Variants in CHMP4B observed in about 807,000 individuals in gnomAD.
CHMP4B encodes the protein charged multivesicular body protein 4B, also known as SNF7 homolog associated with Alix 1.
A neutral mutation model predicts 25.1 loss-of-function variants in CHMP4B; 1 was observed. That is an observed-to-expected ratio of 0.04 (90% CI 0.01 to 0.19). The LOEUF is 0.19. Among genes scored for constraint, CHMP4B ranks in the 10% least tolerant of loss-of-function variants. CHMP4B has a pLI of 1.00. For synonymous variants in CHMP4B, 101 were observed against 115.6 expected (o/e 0.87, Z 0.81); for missense variants, 151 against 289.7 (o/e 0.52, Z 3.48).
chr20:33,840,128 C>A (rs1432861785), intron 1 of CHMP4B, among the ~76,000 whole-genome samples: 1 of 152,084 alleles, frequency 6.6e-6, no homozygotes, highest in African/African-American at 2.4e-5. Context: ...CGCCTGTAAT[C>A]CCAGCTCCTT....
Position 33,811,513 on chromosome 20 carries a change from C to A in CHMP4B, c.45C>A (p.Ala15=), listed in dbSNP as rs371091279. The A allele has an allele frequency of 6.2e-7, 1 of 1,601,716 alleles. No homozygotes were observed. Among genetic ancestry groups the A allele is most frequent in the South Asian group, 1.1e-5 (1 of 89,490 alleles). Residue 15 remains alanine, a synonymous_variant, in exon 1 of 5, where the codon GCC becomes GCA. Transcript: ENST00000217402. ...TGTTCGGGGCTGGAGGGGGTAAGGC[C>A]GGCAAGGGCGGCCCGACCCCCCAGG... The part of the protein sequence containing the change: ...GKLFGAGGGK[A]GKGGPTPQEA...
intron 1 of CHMP4B, among the ~76,000 whole-genome samples, chr20:33,817,134 C>T (rs993573327): frequency 6.6e-6 from 1 of 152,240 alleles, no homozygotes; most frequent in Non-Finnish European, 1.5e-5. Context: ...AGCAGTATCT[C>T]TTATCCCAGA....
At chr20:33,825,417 T>C (rs1979068540) in intron 1 of CHMP4B, among the ~76,000 whole-genome samples, 1 of 152,124 alleles carries the variant, frequency 6.6e-6, no homozygotes, top group Admixed American at 6.6e-5. Context: ...AGCGCTGGAG[T>C]GACCACTGTG....
At chr20:33,814,162 A>T (rs910038538) in intron 1 of CHMP4B, among the ~76,000 whole-genome samples, 2 of 152,180 alleles carry the variant, frequency 1.3e-5, no homozygotes, top group Non-Finnish European at 2.9e-5. Flanking sequence ...GCTTGAGAGG[A>T]TGGGAGCTAC....
intron 1 of CHMP4B, among the ~76,000 whole-genome samples, chr20:33,840,521 A>G (rs1043415013): frequency 7.2e-5 from 11 of 152,168 alleles, no homozygotes; most frequent in African/African-American, 2.4e-4. Context: ...GGCCTGGTCT[A>G]CTGATACCAA....
At chr20:33,844,132 G>C (rs1283710591) in intron 1 of CHMP4B, among the ~76,000 whole-genome samples, 1 of 152,238 alleles carries the variant, frequency 6.6e-6, no homozygotes, top group Non-Finnish European at 1.5e-5. Context: ...CAGTATGAGA[G>C]AGCACACCTT....
chr20:33,837,094 G>A (rs1344789073), intron 1 of CHMP4B, among the ~76,000 whole-genome samples: 2 of 152,124 alleles, frequency 1.3e-5, no homozygotes, highest in East Asian at 1.9e-4. Context: ...AATAAAATAC[G>A]AGGCTCAGAA....
At chr20:33,851,937 G>C (rs192972382) in intron 3 of CHMP4B, 140 bp from the exon 4 acceptor site, 9 of 1,066,220 alleles carry the variant, frequency 8.4e-6, no homozygotes, top group Admixed American at 3.4e-5. Context: ...TGAATCACAG[G>C]GTCTGGAACC....
intron 1 of CHMP4B, among the ~76,000 whole-genome samples, chr20:33,835,343 A>G (rs117342536): frequency 1.3e-5 from 2 of 152,104 alleles, no homozygotes; most frequent in Non-Finnish European, 1.5e-5. Flanking sequence ...CTCCAGGGTC[A>G]TTGAGCTTCT....
In CHMP4B at chr20:33,848,586, G is replaced by A; in HGVS notation, c.310G>A (p.Glu104Lys). Residue 104 changes from glutamate (E) to lysine (K), a missense_variant, in exon 2 of 5, where the codon GAG (glutamate) becomes AAG (lysine). Glu to Lys is a moderately conservative substitution (Grantham distance 56). Coordinates refer to ENST00000217402, the MANE Select transcript of CHMP4B (RefSeq NM_176812.5). ...CCTGGAGAATGCCAACACCAACACC[G>A]AGGTGCTCAAGAACATGGGCTATGC... is the stretch of plus-strand genomic sequence containing the variant. ...EALENANTNT[E>K]VLKNMGYAAK... is the part of the protein sequence containing the mutation. 6.2e-7 allele frequency: 1 copy of A among 1,614,210 alleles called. No individual in the cohort carries two copies. Among genetic ancestry groups the A allele is most frequent in the Non-Finnish European group, 8.5e-7 (1 of 1,180,036 alleles).
chr20:33,845,850 C>T (rs1450042373), intron 1 of CHMP4B, among the ~76,000 whole-genome samples: 2 of 152,224 alleles, frequency 1.3e-5, no homozygotes, highest in Non-Finnish European at 2.9e-5. Flanking sequence ...GGGGCACTTA[C>T]AGGACTCTCC....
At chr20:33,833,844 A>G (rs1357658493) in intron 1 of CHMP4B, among the ~76,000 whole-genome samples, 1 of 152,148 alleles carries the variant, frequency 6.6e-6, no homozygotes, top group Non-Finnish European at 1.5e-5. Flanking sequence ...CATGTATTAC[A>G]TTGTCCATAT....
At chr20:33,824,839 G>A (rs1323878919) in intron 1 of CHMP4B, among the ~76,000 whole-genome samples, 1 of 149,794 alleles carries the variant, frequency 6.7e-6, no homozygotes, top group Non-Finnish European at 1.5e-5. Flanking sequence ...GTCCCCAAAA[G>A]GGTGGGGGGA....
chr20:33,811,689 A>G (rs1426990478), intron 1 of CHMP4B, 31 bp downstream of exon 1: 1 of 1,605,570 alleles, frequency 6.2e-7, no homozygotes, highest in Non-Finnish European at 8.5e-7. Flanking sequence ...CAGACTTGCC[A>G]CGGGCTCCCC....
At chr20:33,812,477 A>G (rs1347948890) in intron 1 of CHMP4B, among the ~76,000 whole-genome samples, 1 of 152,220 alleles carries the variant, frequency 6.6e-6, no homozygotes, top group East Asian at 1.9e-4. Flanking sequence ...GGGCCCCAGT[A>G]TTGAATCTTG....
intron 1 of CHMP4B, among the ~76,000 whole-genome samples, chr20:33,842,455 C>T (rs1979570658): frequency 6.6e-6 from 1 of 152,204 alleles, no homozygotes; most frequent in African/African-American, 2.4e-5. Flanking sequence ...CCCTGAATAT[C>T]TGAGTTTATT....
intron 1 of CHMP4B, among the ~76,000 whole-genome samples, chr20:33,835,043 G>A (rs1364999330): frequency 6.6e-5 from 10 of 152,052 alleles, no homozygotes; most frequent in African/African-American, 2.4e-4. Flanking sequence ...GGATCCGCCC[G>A]CCTCGGCCTC....
intron 1 of CHMP4B, among the ~76,000 whole-genome samples, chr20:33,824,412 T>G (rs1403066190): frequency 6.6e-6 from 1 of 152,108 alleles, no homozygotes; most frequent in Non-Finnish European, 1.5e-5. Flanking sequence ...GTGGTCAGGT[T>G]GAGGAGCACA....
chr20:33,811,627 C>T lies in CHMP4B; in HGVS notation c.159C>T (p.Ala53=), dbSNP rs755836490. The change falls in exon 1 of 5, where the codon GCC becomes GCT. Residue 53 remains alanine (A), a synonymous_variant. Transcript: ENST00000217402. The part of the protein sequence containing the change: ...LEKKIEQELT[A]AKKHGTKNKR... ...AGAAAATCGAGCAGGAGCTGACGGC[C>T]GCCAAGAAGCACGGCACCAAAAACA... 1.2e-6 allele frequency: 2 copies of T among 1,613,904 alleles called. No homozygotes were observed. Among genetic ancestry groups the T allele is most frequent in the Middle Eastern group, 1.7e-4 (1 of 6,060 alleles).
Sources: gnomAD v4.1 joint callset for allele counts (sites outside exome capture counted in the v4.1 genomes callset) on GRCh38, gnomAD v4.1.1 for gene constraint, MANE v1.5 for transcripts, NCBI Gene and HGNC (gene_info 2026-07-23, HGNC 2026-07-21) for gene names.